Variants in MEST observed in about 807,000 individuals in gnomAD.
MEST encodes the protein mesoderm-specific transcript homolog protein.
MEST carries 18 observed loss-of-function variants against 50.9 expected under a neutral mutation model. That is an observed-to-expected ratio of 0.35 (90% CI 0.24 to 0.52). MEST has a LOEUF of 0.52. Among genes scored for constraint, MEST ranks in the 20% least tolerant of loss-of-function variants. MEST has a pLI of 0.94. For synonymous variants in MEST, 130 were observed against 154.1 expected (o/e 0.84, Z 1.16); for missense variants, 282 against 425.3 (o/e 0.66, Z 2.96).
intron 11 of MEST, among the ~76,000 whole-genome samples, chr7:130,504,387 T>C (rs931362519): frequency 4.6e-5 from 7 of 152,214 alleles, no homozygotes; most frequent in South Asian, 4.1e-4. Context: ...GAAGAGCTCA[T>C]TGTGGAAAAG....
intron 2 of MEST, chr7:130,496,424 A>G (rs1554437004): frequency 6.4e-6 from 2 of 314,336 alleles, no homozygotes; most frequent in East Asian, 1.2e-4. Flanking sequence ...AACTGCTTCT[A>G]AATTATTTTT....
intron 5 of MEST, 41 bp from the exon 6 acceptor site, chr7:130,498,378 G>T: frequency 6.2e-7 from 1 of 1,613,446 alleles, no homozygotes; most frequent in Non-Finnish European, 8.5e-7. Context: ...ACTGGTTTAA[G>T]TTTGCTCAGC....
Position 130,500,345 on chromosome 7 carries a change from A to AAACC in MEST, c.577-115_577-112dup, listed in dbSNP as rs1252459987. On this transcript the variant is annotated intron_variant, in intron 7 of 11. Transcript: ENST00000223215. The surrounding 1 kb of genome is among the most constrained non-coding windows in gnomAD (Gnocchi z 5.0). ...TAGGCAAAACAAAATGCCAAGTACCAAACCATTCAGTAGCAGGAGATTTGG... is the reference window on the plus strand; with the variant it reads ...TAGGCAAAACAAAATGCCAAGTACCAAACCAACCATTCAGTAGCAGGAGATTTGG... 1 of 864,936 alleles carries AAACC rather than the reference A, an allele frequency of 1.2e-6. No homozygotes were observed. The highest frequency in any genetic ancestry group is 1.7e-5 in the African/African-American group (1 of 58,682). The allele number at this position is 864,936 out of a possible 1,614,324, so 53.6% of individuals were successfully genotyped here. A position where few individuals can be genotyped will look rare whatever the true frequency, so the allele number is the denominator to read the frequency against.
At chr7:130,490,818 A>T (rs1394891864), upstream of MEST, 1 of 152,208 alleles carries the variant, frequency 6.6e-6, no homozygotes, top group African/African-American at 2.4e-5. Flanking sequence ...TTCTGGGGGC[A>T]ACCAGACCCC....
intron 1 of MEST, among the ~76,000 whole-genome samples, chr7:130,495,160 TTAAGA>T (rs1302325163): frequency 6.6e-6 from 1 of 152,098 alleles, no homozygotes; most frequent in African/African-American, 2.4e-5. Context: ...TTTTTTTTCC[TTAAGA>T]TTAGAATGAT....
In MEST at chr7:130,497,058, G is replaced by C. The variant is rs1215251130; in HGVS notation, c.182-98G>C. The C allele has an allele frequency of 2.1e-6, 2 of 960,350 alleles. No individual in the cohort carries two copies. The highest frequency in any genetic ancestry group is 3.3e-5 in the African/African-American group (2 of 59,826). The allele number at this position is 960,350 out of a possible 1,614,324, so 59.5% of individuals were successfully genotyped here. ...TCATTTTAATGTCAATTTGGTCACA[G>C]TTGCTTGTTCTTTGTATCAGATTAC... On this transcript the variant is annotated intron_variant, in intron 2 of 11. Transcript: ENST00000223215. This position sits in a 1 kb window ranked among gnomAD's most constrained non-coding sequence, Gnocchi z 4.0.
At chr7:130,493,103 T>TAGAACTCGCAGTGCCC (rs1470590631) in intron 1 of MEST, 5 of 152,188 alleles carry the variant, frequency 3.3e-5, no homozygotes, top group African/African-American at 1.2e-4. Context: ...CCGCAGTGAC[T>TAGAACTCGCAGTGCCC]AGAACTCGCA....
chr7:130,495,901 A>G, intron 2 of MEST: 1 of 312,324 alleles, frequency 3.2e-6, no homozygotes, highest in Non-Finnish European at 6.1e-6. Context: ...TTGTAGTGTA[A>G]CTGTGATTTA....
intron 9 of MEST, among the ~76,000 whole-genome samples, chr7:130,502,371 G>A (rs1799308195): frequency 6.6e-6 from 1 of 152,112 alleles, no homozygotes; most frequent in South Asian, 2.1e-4. Context: ...CAAACCAACT[G>A]TCAGCCTTCC....
chr7:130,498,347 T>C (rs534900655), intron 5 of MEST, 72 bp downstream of exon 5: 1 of 1,611,442 alleles, frequency 6.2e-7, no homozygotes, highest in South Asian at 1.1e-5. Flanking sequence ...TGTATCCTTT[T>C]TCTCTCGTTT....
At chr7:130,501,077 G>C (rs1259901507) in intron 9 of MEST, 187 bp downstream of exon 9, 7 of 524,080 alleles carry the variant, frequency 1.3e-5, no homozygotes, top group Non-Finnish European at 2.4e-5. Context: ...TGGACTCTTT[G>C]TTAGTATTAA....
chr7:130,503,924 C>G lies in MEST; in HGVS notation c.827-9C>G, dbSNP rs1039787193. 3 of 1,609,106 alleles carry G rather than the reference C, an allele frequency of 1.9e-6. No homozygotes were observed. ...CTGTTAAGTATTTCATTCCTTTTCTCTTTTCTAGTTCATTTTATCTATGGG... is the reference window on the plus strand; with the variant it reads ...CTGTTAAGTATTTCATTCCTTTTCTGTTTTCTAGTTCATTTTATCTATGGG... On this transcript the variant is annotated splice_polypyrimidine_tract_variant and intron_variant, in intron 10 of 11. Transcript: ENST00000223215.
At chr7:130,498,311 G>T in intron 5 of MEST, 36 bp downstream of exon 5, 1 of 1,612,580 alleles carries the variant, frequency 6.2e-7, no homozygotes, top group Non-Finnish European at 8.5e-7. Flanking sequence ...TATGATGCTA[G>T]GAAAGTACAT....
chr7:130,498,207 C>T lies in MEST; in HGVS notation c.408C>T (p.Leu136=), dbSNP rs1799141858. 6.2e-7 allele frequency: 1 copy of T among 1,614,042 alleles called. No homozygotes were observed. Among genetic ancestry groups the T allele is most frequent in the African/African-American group, 1.3e-5 (1 of 74,914 alleles). Residue 136 remains leucine (L), a synonymous_variant, in exon 5 of 12, where the codon CTC becomes CTT. Coordinates refer to ENST00000223215, the MANE Select transcript of MEST (RefSeq NM_002402.4). ...AAGCGCTTTTGCGGCATCTGGGGCT[C>T]CAGAACCGCAGGATCAACCTTCTTT... ...IVEALLRHLG[L]QNRRINLLSH... is the part of the protein sequence containing the mutation.
chr7:130,495,504 C>A lies in MEST; in HGVS notation c.163C>A (p.Leu55Met), dbSNP rs1388243270. ...AGGCAAGTTTTTCACTTACAAGGGACTGCGTATCTTCTACCAAGGTAAGAA... is the reference window on the plus strand; with the variant it reads ...AGGCAAGTTTTTCACTTACAAGGGAATGCGTATCTTCTACCAAGGTAAGAA... ...SSGKFFTYKG[L>M]RIFYQDSVGV... The change falls in exon 2 of 12, where the codon CTG becomes ATG. Residue 55 changes from leucine to methionine, a missense_variant. Physicochemically the swap from Leu to Met is conservative, Grantham distance 15. Transcript: ENST00000223215. The A allele has an allele frequency of 6.2e-7, 1 of 1,614,028 alleles. No individual in the cohort carries two copies. The highest frequency in any genetic ancestry group is 1.3e-5 in the African/African-American group (1 of 75,044).
rs781850957 is a variant in MEST, at chr7:130,504,919, G to A, written c.891-20G>A. 6 of 1,598,212 alleles carry A rather than the reference G, an allele frequency of 3.8e-6. No individual in the cohort carries two copies. The highest frequency in any genetic ancestry group is 4.5e-5 in the East Asian group (2 of 44,792). ...CCGCTCCAGCCTCAAGTTCACCTGC[G>A]TGCTGTTCTCTTCCACTAGGAAAAC... On this transcript the variant is annotated intron_variant, in intron 11 of 11. Coordinates refer to ENST00000223215, the MANE Select transcript of MEST (RefSeq NM_002402.4).
rs1195276878 is a variant in MEST at position 130,492,455 on chromosome 7, ACCGACAGG to A, written c.26+118_26+125del. 3 of 931,006 alleles carry A rather than the reference ACCGACAGG, an allele frequency of 3.2e-6. No homozygotes were observed. The African/African-American group carries it at 5.1e-5, about 16-fold the overall frequency. 57.7% of individuals were successfully genotyped at this position (931,006 alleles called of 1,614,324 possible). A position where few individuals can be genotyped will look rare whatever the true frequency, so the allele number is the denominator to read the frequency against. On this transcript the variant is annotated intron_variant, in intron 1 of 11. Coordinates refer to ENST00000223215, the MANE Select transcript of MEST (RefSeq NM_002402.4). This position sits in a 1 kb window ranked among gnomAD's most constrained non-coding sequence, Gnocchi z 7.6. ...GGGGCTGCCTCTGGGCGAAAACTCT[ACCGACAGG>A]CGGCACGCATTCCGCGCCCGCTCTG...
At position 130,498,059 on chromosome 7, in the gene MEST, C is replaced by T. The variant is rs376564784; in HGVS notation, c.339+46C>T. On this transcript the variant is annotated intron_variant, in intron 4 of 11. Coordinates refer to ENST00000223215, the MANE Select transcript of MEST (RefSeq NM_002402.4). The stretch of plus-strand genomic sequence containing the variant: ...GCTGGTGATGGGGTGTGGGGGCAGA[C>T]GCAGACTATGAGGGTCAGGCTGGCA... 42 of 1,613,600 alleles carry T rather than the reference C, an allele frequency of 2.6e-5. No homozygotes were observed. The African/African-American group carries it at 3.9e-4, about 15-fold the overall frequency.
chr7:130,488,595 ATC>A (rs1196858992), upstream of MEST: 1 of 152,240 alleles, frequency 6.6e-6, no homozygotes, highest in South Asian at 2.1e-4. Context: ...GAGCTGCCGT[ATC>A]TCTCTCTGAA....
Sources: gnomAD v4.1 joint callset for allele counts (sites outside exome capture counted in the v4.1 genomes callset) on GRCh38, gnomAD v4.1.1 for gene constraint, Gnocchi (gnomAD v3.1) non-coding constraint, MANE v1.5 for transcripts, NCBI Gene and HGNC (gene_info 2026-07-23, HGNC 2026-07-21) for gene names.